Variants in STOX2 observed in about 807,000 individuals in gnomAD.
STOX2 encodes storkhead box 2.
A neutral mutation model predicts 60.9 loss-of-function variants in STOX2; 28 were observed. The ratio of observed to expected loss-of-function variants is 0.46; its 90% CI spans 0.34 to 0.63. The LOEUF (loss-of-function observed/expected upper bound fraction) is 0.63. Ranked by LOEUF, STOX2 falls within the 30% of genes least tolerant of loss-of-function variation. STOX2 has a pLI of 0.01. For missense variants in STOX2, 1,024 were observed against 1,187.7 expected (o/e 0.86, Z 2.03); for synonymous variants, 472 against 463.9 (o/e 1.02, Z -0.22).
At chr4:183,829,115 G>T (rs1377377865) in intron 1 of STOX2, among the ~76,000 whole-genome samples, 7 of 152,158 alleles carry the variant, frequency 4.6e-5, no homozygotes, top group African/African-American at 7.2e-5. Context: ...AGAAACAAGA[G>T]AATTTAGAAA....
intron 1 of STOX2, among the ~76,000 whole-genome samples, chr4:183,882,588 A>G (rs552945217): frequency 2.6e-4 from 40 of 152,352 alleles, no homozygotes; most frequent in Admixed American, 7.8e-4. Flanking sequence ...ATTTAGATTG[A>G]ATGCTTAGTT....
chr4:183,946,812 G>T (rs1485923490), intron 1 of STOX2, among the ~76,000 whole-genome samples: 1 of 152,006 alleles, frequency 6.6e-6, no homozygotes, highest in African/African-American at 2.4e-5. Context: ...TTTTAGTAGA[G>T]TTGGGGGTTT....
intron 1 of STOX2, among the ~76,000 whole-genome samples, chr4:183,809,539 C>T (rs985391338): frequency 4.6e-5 from 7 of 152,182 alleles, no homozygotes; most frequent in Admixed American, 1.3e-4. Flanking sequence ...GCTGGGATTC[C>T]AGGCACGTGC....
At position 184,010,575 on chromosome 4, in the gene STOX2, C is replaced by G. The variant is rs368601107; in HGVS notation, c.1737C>G (p.Pro579=). Residue 579 remains proline (P), a synonymous_variant, in exon 3 of 4, where the codon CCC becomes CCG. Coordinates refer to ENST00000308497, the MANE Select transcript of STOX2 (RefSeq NM_020225.3). The surrounding 1 kb of genome is among the most constrained non-coding windows in gnomAD (Gnocchi z 4.5). ...ACSLLEPGKP[P]ESLPSYGELN... is the part of the protein sequence containing the mutation. ...GCCTTTTGGAGCCAGGAAAACCACC[C>G]GAGAGTTTGCCATCCTATGGCGAAC... The G allele has an allele frequency of 4.2e-5, 67 of 1,613,776 alleles. No individual in the cohort carries two copies. The highest frequency in any genetic ancestry group is 1.2e-4 in the Admixed American group (7 of 59,998).
Position 184,017,334 on chromosome 4 carries a change from C to T in STOX2, c.*50C>T, listed in dbSNP as rs745855567. 102 of 1,463,144 alleles carry T rather than the reference C, an allele frequency of 7.0e-5. No homozygotes were observed. Among genetic ancestry groups the T allele is most frequent in the Non-Finnish European group, 8.7e-5 (94 of 1,085,742 alleles). 90.6% of individuals were successfully genotyped at this position (1,463,144 alleles called of 1,614,324 possible). A position where few individuals can be genotyped will look rare whatever the true frequency, so the allele number is the denominator to read the frequency against. The stretch of plus-strand genomic sequence containing the variant: ...GTCTCATTCGATACAGCAAAGTTTA[C>T]GACACTGGGACTGATGTTTACATCT... On this transcript the variant is annotated 3_prime_UTR_variant, in exon 4 of 4. Transcript: ENST00000308497.
intron 1 of STOX2, among the ~76,000 whole-genome samples, chr4:183,999,460 G>A (rs577618647): frequency 6.6e-6 from 1 of 152,116 alleles, no homozygotes; most frequent in Non-Finnish European, 1.5e-5. Context: ...TCCTTTTCTG[G>A]ATGTGGGTAC....
intron 1 of STOX2, among the ~76,000 whole-genome samples, chr4:183,896,125 AG>A (rs1393761198): frequency 2.0e-5 from 3 of 152,166 alleles, no homozygotes; most frequent in African/African-American, 7.2e-5. Flanking sequence ...CATTGTGACA[AG>A]GGCCCTTGAT....
chr4:183,855,525 A>G (rs1740266964), intron 1 of STOX2, among the ~76,000 whole-genome samples: 1 of 152,192 alleles, frequency 6.6e-6, no homozygotes, highest in Non-Finnish European at 1.5e-5. Context: ...GACAAGGGTA[A>G]CTTGGAAATC....
chr4:183,987,480 C>G (rs1732896870), intron 1 of STOX2, among the ~76,000 whole-genome samples: 1 of 152,042 alleles, frequency 6.6e-6, no homozygotes, highest in Non-Finnish European at 1.5e-5. Flanking sequence ...TCATTTTCAC[C>G]TTGCTGATCT....
chr4:183,857,607 C>A (rs1038680677), intron 1 of STOX2, among the ~76,000 whole-genome samples: 6 of 152,170 alleles, frequency 3.9e-5, no homozygotes, highest in African/African-American at 1.4e-4. Context: ...TGCTTTCATT[C>A]CTTTTATCTT....
chr4:183,883,875 C>A (rs531927381), intron 1 of STOX2, among the ~76,000 whole-genome samples: 2 of 145,334 alleles, frequency 1.4e-5, no homozygotes, highest in Admixed American at 6.8e-5. Context: ...TTTTTGAGAT[C>A]GAGTCTTGCT....
chr4:184,013,722 TG>T (rs1734250020), intron 3 of STOX2, among the ~76,000 whole-genome samples: 1 of 152,236 alleles, frequency 6.6e-6, no homozygotes, highest in Non-Finnish European at 1.5e-5. Context: ...CTCTGCAGTC[TG>T]GGGAGTATTT....
rs1734418182 is a variant in STOX2, at chr4:184,017,309, G to A, written c.*25G>A. On this transcript the variant is annotated 3_prime_UTR_variant, in exon 4 of 4. Coordinates refer to ENST00000308497, the MANE Select transcript of STOX2 (RefSeq NM_020225.3). ...ATTGTCCTTCTGCCTCAGATCTTCTGTCTCATTCGATACAGCAAAGTTTAC... is the reference window on the plus strand; with the variant it reads ...ATTGTCCTTCTGCCTCAGATCTTCTATCTCATTCGATACAGCAAAGTTTAC... 1 of 1,556,036 alleles carries A rather than the reference G, an allele frequency of 6.4e-7. No individual in the cohort carries two copies. Among genetic ancestry groups the A allele is most frequent in the Non-Finnish European group, 8.7e-7 (1 of 1,149,494 alleles).
chr4:183,839,757 G>A (rs960117280), intron 1 of STOX2, among the ~76,000 whole-genome samples: 5 of 152,198 alleles, frequency 3.3e-5, no homozygotes, highest in South Asian at 2.1e-4. Context: ...TGAAATATAT[G>A]TGAGTTGTTT....
chr4:183,914,801 G>A (rs1019828994), intron 1 of STOX2, among the ~76,000 whole-genome samples: 2 of 152,158 alleles, frequency 1.3e-5, no homozygotes, highest in African/African-American at 4.8e-5. Flanking sequence ...TCGAGGTTAG[G>A]ATTGCTTGGA....
intron 1 of STOX2, among the ~76,000 whole-genome samples, chr4:183,973,537 T>A (rs974844651): frequency 6.6e-6 from 1 of 152,052 alleles, no homozygotes; most frequent in Non-Finnish European, 1.5e-5. Flanking sequence ...AAAATGAAAT[T>A]CTCAAATAAA....
upstream of STOX2, among the ~76,000 whole-genome samples, chr4:183,905,169 G>A (rs545602230): frequency 1.3e-3 from 204 of 152,318 alleles, 1 homozygote; most frequent in Non-Finnish European, 1.0e-4. Flanking sequence ...AACGTGGCTG[G>A]GCGCCTTTAA....
At chr4:183,998,285 A>T (rs987155655) in intron 1 of STOX2, among the ~76,000 whole-genome samples, 2 of 152,034 alleles carry the variant, frequency 1.3e-5, no homozygotes, top group African/African-American at 4.8e-5. Context: ...TTTTCATCTG[A>T]CTTTAAAAAT....
chr4:183,948,036 G>A (rs1419443762), intron 1 of STOX2, among the ~76,000 whole-genome samples: 5 of 151,876 alleles, frequency 3.3e-5, no homozygotes, highest in Non-Finnish European at 5.9e-5. Context: ...GGCCAACATG[G>A]TGAAACCCTG....
Sources: gnomAD v4.1 joint callset for allele counts (sites outside exome capture counted in the v4.1 genomes callset) on GRCh38, gnomAD v4.1.1 for gene constraint, Gnocchi (gnomAD v3.1) non-coding constraint, MANE v1.5 for transcripts, NCBI Gene and HGNC (gene_info 2026-07-23, HGNC 2026-07-21) for gene names.